The following COA5 variants were observed in gnomAD, a reference collection of about 807,000 sequenced individuals.
COA5 encodes the protein cytochrome c oxidase assembly factor 5, also known as protein C2orf64.
COA5 carries 11 observed loss-of-function variants against 11.8 expected under a neutral mutation model. The observed-to-expected ratio is 0.93, with a 90% CI of 0.59 to 1.54. COA5 has a LOEUF of 1.54. Ranked by LOEUF, COA5 falls within the 40% of genes most tolerant of loss-of-function variation. COA5 has a pLI of 0.00. For missense variants in COA5, 87 were observed against 89.2 expected (o/e 0.97, Z 0.10); for synonymous variants, 38 against 37.5 (o/e 1.01, Z -0.05).
rs1016086244 is a variant in COA5 at position 98,608,470 on chromosome 2, G to C, written c.-65C>G. 7 of 1,257,488 alleles carry C rather than the reference G, an allele frequency of 5.6e-6. No homozygotes were observed. The highest frequency in any genetic ancestry group is 1.8e-4 in the Middle Eastern group (1 of 5,478). 77.9% of individuals were successfully genotyped at this position (1,257,488 alleles called of 1,614,324 possible). A position where few individuals can be genotyped will look rare whatever the true frequency, so the allele number is the denominator to read the frequency against. On this transcript the variant is annotated 5_prime_UTR_variant, in exon 1 of 3. Transcript: ENST00000328709. ...ACCGCAACACTTGCAACCGGGTCGG[G>C]AGCGAGCGAGGCCCCAGTCTCAGGG... is the stretch of plus-strand genomic sequence containing the variant.
In COA5 at chr2:98,600,583, T is replaced by C; in HGVS notation, c.*169A>G. 1 of 653,540 alleles carries C rather than the reference T, an allele frequency of 1.5e-6. No homozygotes were observed. Among genetic ancestry groups the C allele is most frequent in the Non-Finnish European group, 2.8e-6 (1 of 362,556 alleles). The allele number at this position is 653,540 out of a possible 1,614,324, so 40.5% of individuals were successfully genotyped here. On this transcript the variant is annotated 3_prime_UTR_variant, in exon 3 of 3. Coordinates refer to ENST00000328709, the MANE Select transcript of COA5 (RefSeq NM_001008215.3). ...AACTTGGATCAAGAGAATCATTTAC[T>C]TTATACATATTCGAAAACAACTCAT...
intron 2 of COA5, among the ~76,000 whole-genome samples, chr2:98,603,731 T>A (rs891256756): frequency 1.3e-5 from 2 of 152,216 alleles, no homozygotes; most frequent in African/African-American, 4.8e-5. Context: ...CATTTTCTCT[T>A]AGTCACATAA....
In COA5 at chr2:98,608,258, C is replaced by T. The variant is rs1700739275; in HGVS notation, c.99+49G>A. On this transcript the variant is annotated intron_variant, in intron 1 of 2. Coordinates refer to ENST00000328709, the MANE Select transcript of COA5 (RefSeq NM_001008215.3). ...ACCCGCTGCCCTCCGCCGAGCCAGG[C>T]CTGCCTGGGACAGGGGTCGTCACCA... The T allele has an allele frequency of 2.1e-6, 3 of 1,423,402 alleles. No individual in the cohort carries two copies. The East Asian group carries it at 7.3e-5, about 35-fold the overall frequency. 88.2% of individuals were successfully genotyped at this position (1,423,402 alleles called of 1,614,324 possible).
chr2:98,604,036 A>G, intron 2 of COA5, 72 bp downstream of exon 2: 1 of 1,081,228 alleles, frequency 9.2e-7, no homozygotes, highest in Non-Finnish European at 1.4e-6. Flanking sequence ...TATAACTATT[A>G]AGTCATTCAT....
intron 2 of COA5, among the ~76,000 whole-genome samples, chr2:98,601,968 C>T (rs1700647293): frequency 6.6e-6 from 1 of 152,090 alleles, no homozygotes; most frequent in Non-Finnish European, 1.5e-5. Flanking sequence ...GTCCCTGGTG[C>T]CAAAAATGTT....
In COA5 at chr2:98,602,805, T is replaced by TA. The variant is rs199805772; in HGVS notation, c.183+1302dup. ...GCTGAAAGTAGATAAATTGTAAAAATAAAAAAAAATCTGACTTCGTTCTTT... is the reference window on the plus strand; with the variant it reads ...GCTGAAAGTAGATAAATTGTAAAAATAAAAAAAAAATCTGACTTCGTTCTTT... On this transcript the variant is annotated intron_variant, in intron 2 of 2. Coordinates refer to ENST00000328709, the MANE Select transcript of COA5 (RefSeq NM_001008215.3). Among the ~76,000 whole-genome samples, 116 of 151,730 alleles carry TA rather than the reference T, an allele frequency of 7.6e-4. 2 individuals are homozygous for TA. The East Asian group carries it at 0.011, about 14-fold the overall frequency.
intron 2 of COA5, among the ~76,000 whole-genome samples, chr2:98,602,137 G>A (rs1700650085): frequency 6.6e-6 from 1 of 152,178 alleles, no homozygotes; most frequent in Admixed American, 6.5e-5. Context: ...AATCAGGATG[G>A]TGAACTGCTC....
At chr2:98,601,778 A>G (rs1700644342) in intron 2 of COA5, among the ~76,000 whole-genome samples, 1 of 152,154 alleles carries the variant, frequency 6.6e-6, no homozygotes. Flanking sequence ...CATTCAGATC[A>G]GCAGCATTAG....
In COA5 at chr2:98,599,636, G is replaced by A. The variant is rs1198145801; in HGVS notation, c.*1116C>T. 6.6e-6 allele frequency: 1 copy of A among 152,160 alleles called. No homozygotes were observed. Among genetic ancestry groups the A allele is most frequent in the Non-Finnish European group, 1.5e-5 (1 of 68,026 alleles). 9.4% of individuals were successfully genotyped at this position (152,160 alleles called of 1,614,324 possible). Reference sequence around the variant, plus strand: ...GATTGCTTTAACTCCAGTGAACCACGGAGGTATAAAGACGCTAGAGTTCTT... The same window carrying A: ...GATTGCTTTAACTCCAGTGAACCACAGAGGTATAAAGACGCTAGAGTTCTT... On this transcript the variant is annotated 3_prime_UTR_variant, in exon 3 of 3. Transcript: ENST00000328709.
chr2:98,603,651 G>C (rs760589280), intron 2 of COA5, among the ~76,000 whole-genome samples: 4 of 152,120 alleles, frequency 2.6e-5, no homozygotes, highest in African/African-American at 4.8e-5. Flanking sequence ...ATGAACCCCA[G>C]AGATTTGTAA....
At position 98,600,648 on chromosome 2, in the gene COA5, A is replaced by T; in HGVS notation, c.*104T>A. 1.0e-6 allele frequency: 1 copy of T among 995,440 alleles called. No homozygotes were observed. Among genetic ancestry groups the T allele is most frequent in the Non-Finnish European group, 1.6e-6 (1 of 640,488 alleles). The allele number at this position is 995,440 out of a possible 1,614,324, so 61.7% of individuals were successfully genotyped here. A position where few individuals can be genotyped will look rare whatever the true frequency, so the allele number is the denominator to read the frequency against. ...GTTCCACGGAGGGGAAATCTGGTCC[A>T]ACCAAACAGATGTAGTAAAAAGTAT... On this transcript the variant is annotated 3_prime_UTR_variant, in exon 3 of 3. Transcript: ENST00000328709.
At chr2:98,605,812 G>A (rs116239165) in intron 1 of COA5, 1 of 152,384 alleles carries the variant, frequency 6.6e-6, no homozygotes, top group Non-Finnish European at 1.5e-5. Flanking sequence ...AGCTGTTAGT[G>A]GAGACGAAGA....
rs1559143859 is a variant in COA5, at chr2:98,600,593, T to A, written c.*159A>T. 1 of 672,096 alleles carries A rather than the reference T, an allele frequency of 1.5e-6. No individual in the cohort carries two copies. The highest frequency in any genetic ancestry group is 1.7e-5 in the South Asian group (1 of 59,920). 41.6% of individuals were successfully genotyped at this position (672,096 alleles called of 1,614,324 possible). ...AAGAGAATCATTTACTTTATACATA[T>A]TCGAAAACAACTCATCCACTTTCTT... On this transcript the variant is annotated 3_prime_UTR_variant, in exon 3 of 3. Coordinates refer to ENST00000328709, the MANE Select transcript of COA5 (RefSeq NM_001008215.3).
At chr2:98,600,869 T>C in intron 2 of COA5, 76 bp from the exon 3 acceptor site, 1 of 918,764 alleles carries the variant, frequency 1.1e-6, no homozygotes, top group South Asian at 1.4e-5. Context: ...GGTAAGGGTA[T>C]CACCGCATGA....
Position 98,604,683 on chromosome 2 carries a change from A to AT in COA5, c.100-493dup, listed in dbSNP as rs149046935. The stretch of plus-strand genomic sequence containing the variant: ...TAATCAGGGATTTTCCCTCAAGCAG[A>AT]TTTTGACTCTACAGCCGCATCACTG... On this transcript the variant is annotated intron_variant, in intron 1 of 2. Coordinates refer to ENST00000328709, the MANE Select transcript of COA5 (RefSeq NM_001008215.3). The AT allele has an allele frequency of 6.1e-3, 1,004 of 164,196 alleles. 16 individuals carry two copies. Among genetic ancestry groups the AT allele is most frequent in the African/African-American group, 0.023 (939 of 41,598 alleles). The allele number at this position is 164,196 out of a possible 1,614,324, so 10.2% of individuals were successfully genotyped here.
intron 1 of COA5, among the ~76,000 whole-genome samples, chr2:98,606,528 G>A (rs1226301941): frequency 6.6e-6 from 1 of 152,214 alleles, no homozygotes; most frequent in African/African-American, 2.4e-5. Context: ...TCTGCCTACA[G>A]CATTCTAGCC....
intron 1 of COA5, 132 bp downstream of exon 1, chr2:98,608,175 G>A: frequency 1.4e-6 from 1 of 701,666 alleles, no homozygotes; most frequent in South Asian, 1.6e-5. Context: ...CGCACGTTCA[G>A]TGAGCCCGAG....
chr2:98,601,223 CAATAAATAAATAAATA>C (rs758730261), intron 2 of COA5, among the ~76,000 whole-genome samples: 2 of 149,596 alleles, frequency 1.3e-5, no homozygotes, highest in African/African-American at 2.5e-5. Context: ...CCAGCCTGGG[CAATAAATAAATAAATA>C]AATAAATAAA....
chr2:98,607,627 G>A (rs1700726418), intron 1 of COA5, among the ~76,000 whole-genome samples: 1 of 152,190 alleles, frequency 6.6e-6, no homozygotes, highest in Non-Finnish European at 1.5e-5. Context: ...ATTGGAAAAG[G>A]CACTTGTGCT....
Sources: allele counts gnomAD v4.1 joint callset (sites outside exome capture counted in the v4.1 genomes callset), GRCh38; gene constraint gnomAD v4.1.1; transcripts MANE v1.5; gene names NCBI Gene and HGNC (gene_info 2026-07-23, HGNC 2026-07-21).